Variants in EXT1 observed in about 807,000 individuals in gnomAD.
The protein encoded by EXT1 is exostosin-1.
A neutral mutation model predicts 82.5 loss-of-function variants in EXT1; 20 were observed. That is an observed-to-expected ratio of 0.24 (90% CI 0.17 to 0.35). The LOEUF (loss-of-function observed/expected upper bound fraction) is 0.35, where lower values mean the gene tolerates loss of function less well. Ranked by LOEUF, EXT1 falls within the 10% of genes least tolerant of loss-of-function variation. The pLI, the probability that EXT1 is intolerant of heterozygous loss-of-function variation, is 1.00. For synonymous variants in EXT1, 348 were observed against 350.8 expected (o/e 0.99, Z 0.09); for missense variants, 757 against 936.5 (o/e 0.81, Z 2.50).
chr8:117,870,997 A>G (rs1812860565), intron 1 of EXT1, among the ~76,000 whole-genome samples: 1 of 152,200 alleles, frequency 6.6e-6, no homozygotes, highest in Non-Finnish European at 1.5e-5. Flanking sequence ...TAAAAGAGCA[A>G]ATCTCTAGCC....
intron 1 of EXT1, among the ~76,000 whole-genome samples, chr8:117,907,760 A>AT (rs1206197417): frequency 2.6e-5 from 4 of 152,038 alleles, no homozygotes; most frequent in South Asian, 4.2e-4. Context: ...TTAAATTCAC[A>AT]TTTAAAAAAA....
rs556223070 is a variant in EXT1, at chr8:117,794,678, A to G, written c.*5034T>C. On this transcript the variant is annotated 3_prime_UTR_variant, in exon 11 of 11. Transcript: ENST00000378204. ...TATTTTCTCACACGCGCTCTCTCAC[A>G]CATACTTGAGGGCTTAATTACGCTA... 1 of 152,294 alleles carries G rather than the reference A, an allele frequency of 6.6e-6. No individual in the cohort carries two copies. Among genetic ancestry groups the G allele is most frequent in the Admixed American group, 6.5e-5 (1 of 15,292 alleles). 9.4% of individuals were successfully genotyped at this position (152,294 alleles called of 1,614,324 possible). A position where few individuals can be genotyped will look rare whatever the true frequency, so the allele number is the denominator to read the frequency against.
chr8:117,875,189 G>A (rs978033607), intron 1 of EXT1, among the ~76,000 whole-genome samples: 1 of 152,114 alleles, frequency 6.6e-6, no homozygotes, highest in African/African-American at 2.4e-5. Flanking sequence ...GGCCAAGGCA[G>A]GCAGACCACT....
rs1815204882 is a variant in EXT1, at chr8:117,981,611, G to C, written c.962+128474C>G. ...GTGGCTCATGGCTGTAATCCCATGG[G>C]AGATCCCTCCCTCTTTGGGAGGCCA... On this transcript the variant is annotated intron_variant, in intron 1 of 10. Coordinates refer to ENST00000378204, the MANE Select transcript of EXT1 (RefSeq NM_000127.3). 1.3e-5 allele frequency among the ~76,000 whole-genome samples: 2 copies of C among 152,230 alleles called. 1 individual carries two copies. Among genetic ancestry groups the C allele is most frequent in the Non-Finnish European group, 2.9e-5 (2 of 68,024 alleles).
At chr8:117,947,016 A>C (rs1002905433) in intron 1 of EXT1, among the ~76,000 whole-genome samples, 2 of 152,216 alleles carry the variant, frequency 1.3e-5, no homozygotes, top group African/African-American at 4.8e-5. Flanking sequence ...ATTATTATAA[A>C]GGAGCCTCCT....
chr8:117,942,308 T>C (rs1003711703), intron 1 of EXT1, among the ~76,000 whole-genome samples: 2 of 152,182 alleles, frequency 1.3e-5, no homozygotes, highest in African/African-American at 4.8e-5. Flanking sequence ...ATCACTCCTC[T>C]GGGTTTCTTC....
At chr8:118,082,053 C>A (rs1171291621) in intron 1 of EXT1, among the ~76,000 whole-genome samples, 2 of 152,108 alleles carry the variant, frequency 1.3e-5, no homozygotes, top group Admixed American at 6.5e-5. Context: ...TCAAGTCCTG[C>A]GGCCACAATC....
At chr8:118,103,975 T>C (rs141741739) in intron 1 of EXT1, among the ~76,000 whole-genome samples, 1 of 152,342 alleles carries the variant, frequency 6.6e-6, no homozygotes, top group Non-Finnish European at 1.5e-5. Flanking sequence ...TAAAAGTTAA[T>C]ATGTAACAGG....
chr8:118,107,056 G>T (rs1388549360), intron 1 of EXT1, among the ~76,000 whole-genome samples: 1 of 152,210 alleles, frequency 6.6e-6, no homozygotes, highest in Non-Finnish European at 1.5e-5. Context: ...AGGCACAGGT[G>T]AGACAGAAGT....
chr8:118,066,592 C>T (rs1816993068), intron 1 of EXT1, among the ~76,000 whole-genome samples: 1 of 152,056 alleles, frequency 6.6e-6, no homozygotes, highest in Non-Finnish European at 1.5e-5. Flanking sequence ...AACAACTGGC[C>T]TCAAGTGATC....
intron 1 of EXT1, among the ~76,000 whole-genome samples, chr8:118,043,665 C>T (rs563483777): frequency 6.6e-6 from 1 of 152,346 alleles, no homozygotes; most frequent in African/African-American, 2.4e-5. Flanking sequence ...TCTCCTCCAA[C>T]TCCAATGCAG....
chr8:117,970,326 C>T (rs1165225731), intron 1 of EXT1, among the ~76,000 whole-genome samples: 2 of 148,478 alleles, frequency 1.3e-5, no homozygotes, highest in Admixed American at 6.7e-5. Context: ...TTTTTTGACA[C>T]GGAGTCTCAC....
In EXT1 at chr8:118,096,650, G is replaced by C. The variant is rs1817619988; in HGVS notation, c.962+13435C>G. ...AGGAAGGAAGGAAGGAAGGAAGGAA[G>C]GAAGGAAGGAAGGAAGGAAGGAAGG... On this transcript the variant is annotated intron_variant, in intron 1 of 10. Transcript: ENST00000378204. 5.7e-5 allele frequency among the ~76,000 whole-genome samples: 5 copies of C among 88,362 alleles called. 1 individual carries two copies. The East Asian group carries it at 1.5e-3, about 26-fold the overall frequency. 58.0% of individuals were successfully genotyped at this position (88,362 alleles called of 152,430 possible).
intron 1 of EXT1, among the ~76,000 whole-genome samples, chr8:118,059,516 C>T (rs1816850684): frequency 6.6e-6 from 1 of 152,204 alleles, no homozygotes; most frequent in Non-Finnish European, 1.5e-5. Context: ...CCCTGTTGAG[C>T]AGCAAGGGCT....
intron 1 of EXT1, among the ~76,000 whole-genome samples, chr8:117,960,748 G>A (rs537496161): frequency 6.8e-4 from 104 of 152,146 alleles, no homozygotes; most frequent in Non-Finnish European, 1.1e-3. Context: ...TCCTGGACAC[G>A]GAGCCAACAA....
At chr8:117,873,719 G>C (rs1211715269) in intron 1 of EXT1, among the ~76,000 whole-genome samples, 2 of 152,144 alleles carry the variant, frequency 1.3e-5, no homozygotes, top group Non-Finnish European at 2.9e-5. Flanking sequence ...GACTCCCAAA[G>C]TGCTGGGATT....
chr8:117,958,260 T>C (rs1814628435), intron 1 of EXT1, among the ~76,000 whole-genome samples: 1 of 152,164 alleles, frequency 6.6e-6, no homozygotes, highest in Non-Finnish European at 1.5e-5. Flanking sequence ...TAGGAAAGCA[T>C]CCAGATGTTG....
At position 118,011,564 on chromosome 8, in the gene EXT1, G is replaced by A. The variant is rs544881269; in HGVS notation, c.962+98521C>T. Among the ~76,000 whole-genome samples, 4 of 152,262 alleles carry A rather than the reference G, an allele frequency of 2.6e-5. No homozygotes were observed. In the South Asian group the frequency reaches 6.2e-4, roughly 24 times the overall value. On this transcript the variant is annotated intron_variant, in intron 1 of 10. Coordinates refer to ENST00000378204, the MANE Select transcript of EXT1 (RefSeq NM_000127.3). ...CACTTAATTTCTAGGACTCTCTGAG[G>A]TCGGCATGACTAATGCTATTTCAGA...
At chr8:117,845,393 C>G (rs1812336725) in intron 1 of EXT1, among the ~76,000 whole-genome samples, 1 of 152,144 alleles carries the variant, frequency 6.6e-6, no homozygotes, top group African/African-American at 2.4e-5. Context: ...TGTCTACTGA[C>G]AGTTCAGAAC....
Sources: gnomAD v4.1 joint callset for allele counts (sites outside exome capture counted in the v4.1 genomes callset) on GRCh38, gnomAD v4.1.1 for gene constraint, MANE v1.5 for transcripts, NCBI Gene and HGNC (gene_info 2026-07-23, HGNC 2026-07-21) for gene names.